The following RABGAP1L variants were observed in gnomAD, a reference collection of about 807,000 sequenced individuals.
The protein encoded by RABGAP1L is rab GTPase-activating protein 1-like.
A neutral mutation model predicts 137.7 loss-of-function variants in RABGAP1L; 63 were observed. The ratio of observed to expected loss-of-function variants is 0.46; its 90% CI spans 0.37 to 0.56. The LOEUF (loss-of-function observed/expected upper bound fraction) is 0.56. RABGAP1L is among the 20% of genes least tolerant of loss of function. The pLI, the probability that RABGAP1L is intolerant of heterozygous loss-of-function variation, is 0.00. For synonymous variants in RABGAP1L, 431 were observed against 433.7 expected (o/e 0.99, Z 0.08); for missense variants, 1,095 against 1,244.0 (o/e 0.88, Z 1.80).
intron 13 of RABGAP1L, among the ~76,000 whole-genome samples, chr1:174,459,408 A>C (rs778620955): frequency 2.1e-4 from 32 of 152,258 alleles, no homozygotes; most frequent in Admixed American, 1.2e-3. Context: ...AAACACTTAC[A>C]CAGTTGTCCC....
At chr1:174,930,013 ATT>A (rs769683894) in intron 19 of RABGAP1L, among the ~76,000 whole-genome samples, 4 of 132,960 alleles carry the variant, frequency 3.0e-5, no homozygotes, top group Non-Finnish European at 4.9e-5. Context: ...ACCATGCCAG[ATT>A]TTTTTTTTTT....
At chr1:174,502,636 GTGTA>G (rs1661414389) in intron 13 of RABGAP1L, among the ~76,000 whole-genome samples, 1 of 147,446 alleles carries the variant, frequency 6.8e-6, no homozygotes, top group South Asian at 2.1e-4. Flanking sequence ...ATATATATGT[GTGTA>G]TATATATGTA....
intron 13 of RABGAP1L, among the ~76,000 whole-genome samples, chr1:174,520,168 A>G (rs1663241547): frequency 6.6e-6 from 1 of 152,248 alleles, no homozygotes. Context: ...GTTTTCATTT[A>G]TTAAAGGGAT....
intron 13 of RABGAP1L, among the ~76,000 whole-genome samples, chr1:174,404,457 A>T (rs1418911940): frequency 1.3e-5 from 2 of 152,148 alleles, no homozygotes; most frequent in East Asian, 3.8e-4. Context: ...TTATGCATCA[A>T]TGCGTTAAAT....
At chr1:174,930,176 A>G (rs1240636113) in intron 19 of RABGAP1L, among the ~76,000 whole-genome samples, 38 of 152,002 alleles carry the variant, frequency 2.5e-4, no homozygotes, top group Non-Finnish European at 1.5e-5. Flanking sequence ...TAACTCCTTT[A>G]AAAATTTTTA....
chr1:174,507,167 G>T (rs1403894506), intron 13 of RABGAP1L, among the ~76,000 whole-genome samples: 1 of 152,222 alleles, frequency 6.6e-6, no homozygotes, highest in Non-Finnish European at 1.5e-5. Context: ...CCTAAAATGA[G>T]TAAGAGTCTG....
intron 13 of RABGAP1L, among the ~76,000 whole-genome samples, chr1:174,427,142 TTATGTG>T (rs1418020409): frequency 1.3e-4 from 15 of 115,588 alleles, no homozygotes; most frequent in East Asian, 2.4e-4. Context: ...CTCCGCATGT[TTATGTG>T]TGTGTGTGTG....
At chr1:174,743,099 T>G (rs1213543882) in intron 17 of RABGAP1L, among the ~76,000 whole-genome samples, 1 of 152,110 alleles carries the variant, frequency 6.6e-6, no homozygotes, top group Non-Finnish European at 1.5e-5. Context: ...GGAAGAAGGC[T>G]TTAATTGGGG....
chr1:174,649,646 T>A (rs1296529084), intron 14 of RABGAP1L, among the ~76,000 whole-genome samples: 2 of 152,122 alleles, frequency 1.3e-5, no homozygotes, highest in Non-Finnish European at 2.9e-5. Flanking sequence ...TGTCTGTTAT[T>A]GGTGTATAAG....
chr1:174,175,473 AC>A lies in RABGAP1L; in HGVS notation c.-34+15817del, dbSNP rs1665757786. On this transcript the variant is annotated intron_variant, in intron 1 of 25. Coordinates refer to ENST00000681986, the MANE Select transcript of RABGAP1L (RefSeq NM_001366446.1). ...TGCAACTTGCCTGTTTCTGCATTAG[AC>A]TACAGGCTTTCTTTTTTCTTTTTTT... 2.0e-5 allele frequency among the ~76,000 whole-genome samples: 3 copies of A among 149,878 alleles called. No individual in the cohort carries two copies. The South Asian group carries it at 6.3e-4, about 31-fold the overall frequency.
At chr1:174,482,754 G>T (rs1659238483) in intron 13 of RABGAP1L, among the ~76,000 whole-genome samples, 1 of 152,176 alleles carries the variant, frequency 6.6e-6, no homozygotes, top group South Asian at 2.1e-4. Context: ...CAGGATTACA[G>T]GGGTGAGCCA....
At chr1:174,688,774 A>G (rs1014963849) in intron 15 of RABGAP1L, among the ~76,000 whole-genome samples, 1 of 152,190 alleles carries the variant, frequency 6.6e-6, no homozygotes, top group Non-Finnish European at 1.5e-5. Context: ...GTTTCACACT[A>G]CATTGATTCA....
intron 13 of RABGAP1L, among the ~76,000 whole-genome samples, chr1:174,615,144 A>T (rs558742497): frequency 6.6e-6 from 1 of 151,876 alleles, no homozygotes; most frequent in Non-Finnish European, 1.5e-5. Flanking sequence ...TTTGGAGGAG[A>T]AGAGGTGCTC....
At chr1:174,486,665 C>T (rs927629404) in intron 13 of RABGAP1L, among the ~76,000 whole-genome samples, 2 of 151,930 alleles carry the variant, frequency 1.3e-5, no homozygotes, top group Admixed American at 1.3e-4. Context: ...ATCTTTATTA[C>T]ATCTTTTCTT....
At chr1:174,498,774 G>A (rs1660981959) in intron 13 of RABGAP1L, among the ~76,000 whole-genome samples, 1 of 151,370 alleles carries the variant, frequency 6.6e-6, no homozygotes, top group Non-Finnish European at 1.5e-5. Flanking sequence ...GCCTCCCAAA[G>A]TGCTAGGATT....
intron 9 of RABGAP1L, 49 bp downstream of exon 9, chr1:174,275,984 A>G (rs1674965602): frequency 1.4e-6 from 2 of 1,469,800 alleles, no homozygotes; most frequent in South Asian, 1.2e-5. Flanking sequence ...ATTTTATATT[A>G]TGAACAATGT....
At chr1:174,827,724 T>G (rs1691731929) in intron 19 of RABGAP1L, among the ~76,000 whole-genome samples, 1 of 148,094 alleles carries the variant, frequency 6.8e-6, no homozygotes, top group African/African-American at 2.5e-5. Flanking sequence ...CCCACTTGGT[T>G]GGCAAGGAAT....
At chr1:174,624,921 A>G (rs188812187) in intron 13 of RABGAP1L, among the ~76,000 whole-genome samples, 1 of 143,348 alleles carries the variant, frequency 7.0e-6, no homozygotes, top group East Asian at 2.0e-4. Context: ...CCCAGGCTGG[A>G]GTGCAGTGGC....
chr1:174,183,100 G>T (rs1446483224), intron 1 of RABGAP1L, among the ~76,000 whole-genome samples: 2 of 152,000 alleles, frequency 1.3e-5, no homozygotes, highest in Admixed American at 1.3e-4. Flanking sequence ...CCCCTTTAAG[G>T]CATATATTAT....
Sources: allele counts gnomAD v4.1 joint callset (sites outside exome capture counted in the v4.1 genomes callset), GRCh38; gene constraint gnomAD v4.1.1; transcripts MANE v1.5; gene names NCBI Gene and HGNC (gene_info 2026-07-23, HGNC 2026-07-21).